Variants in MON2 observed in about 807,000 individuals in gnomAD.
MON2 encodes MON2 regulator of endosome-to-Golgi trafficking.
MON2 carries 84 observed loss-of-function variants against 208.6 expected under a neutral mutation model. That is an observed-to-expected ratio of 0.40 (90% CI 0.34 to 0.48). The LOEUF (loss-of-function observed/expected upper bound fraction) is 0.48, where lower values mean the gene tolerates loss of function less well. Ranked by LOEUF, MON2 falls within the 20% of genes least tolerant of loss-of-function variation. MON2 has a pLI of 0.59. For missense variants in MON2, 1,611 were observed against 2,015.4 expected (o/e 0.80, Z 3.84); for synonymous variants, 660 against 694.0 (o/e 0.95, Z 0.77).
In MON2 at chr12:62,560,542, C is replaced by T; in HGVS notation, c.3461C>T (p.Ala1154Val). The part of the protein sequence containing the change: ...DVLLDHIQSA[A>V]LSKNNEVSLA... ...CTTCTTGACCATATACAGTCAGCAGCACTCAGCAAAAACAATGAAGTATCT... is the reference window on the plus strand; with the variant it reads ...CTTCTTGACCATATACAGTCAGCAGTACTCAGCAAAAACAATGAAGTATCT... Residue 1154 changes from alanine (A) to valine (V), a missense_variant, in exon 26 of 35, where the codon GCA (alanine) becomes GTA (valine). Transcript: ENST00000393630. The T allele has an allele frequency of 2.5e-6, 4 of 1,613,810 alleles. No individual in the cohort carries two copies. The highest frequency in any genetic ancestry group is 3.4e-6 in the Non-Finnish European group (4 of 1,179,916).
Position 62,525,960 on chromosome 12 carries a change from T to G in MON2, c.1258T>G (p.Leu420Val). 1 of 1,612,836 alleles carries G rather than the reference T, an allele frequency of 6.2e-7. No individual in the cohort carries two copies. Among genetic ancestry groups the G allele is most frequent in the South Asian group, 1.1e-5 (1 of 90,744 alleles). ...ATSNQAGNNN[L>V]GGSVSAPANS... ...TTCTTCTCTAACAGGAAACAATAATTTAGGTGGCTCAGTCTCAGCACCAGC... is the reference window on the plus strand; with the variant it reads ...TTCTTCTCTAACAGGAAACAATAATGTAGGTGGCTCAGTCTCAGCACCAGC... Residue 420 changes from leucine (L) to valine (V), a missense_variant, in exon 11 of 35, where the codon TTA becomes GTA. Physicochemically the swap from Leu to Val is conservative, Grantham distance 32. Transcript: ENST00000393630.
chr12:62,532,004 C>T (rs111685991), intron 11 of MON2, among the ~76,000 whole-genome samples: 14,690 of 152,012 alleles, frequency 0.097, 831 homozygotes, highest in Non-Finnish European at 0.12. Flanking sequence ...CTCCTGACCT[C>T]GTGATCCACC....
At position 62,549,828 on chromosome 12, in the gene MON2, T is replaced by C. The variant is rs2073665448; in HGVS notation, c.2914T>C (p.Leu972=). Residue 972 remains leucine (L), a splice_region_variant and synonymous_variant, in exon 23 of 35, where the codon TTG becomes CTG. Coordinates refer to ENST00000393630, the MANE Select transcript of MON2 (RefSeq NM_015026.3). ...TATTAGTTTAACTTCAATAGGTTTA[T>C]TGGTAAGTATCATTGTCCTTAGAAT... The part of the protein sequence containing the change: ...LNISLTSIGL[L]WNISDYFFQR... 6.3e-7 allele frequency: 1 copy of C among 1,578,298 alleles called. No individual in the cohort carries two copies. Among genetic ancestry groups the C allele is most frequent in the Admixed American group, 1.8e-5 (1 of 55,090 alleles).
chr12:62,589,745 A>T (rs1252071509), intron 34 of MON2, among the ~76,000 whole-genome samples: 8 of 48,232 alleles, frequency 1.7e-4, no homozygotes, highest in African/African-American at 1.1e-3. Context: ...CCCCATCTTT[A>T]AAAAAAAAAA....
intron 1 of MON2, among the ~76,000 whole-genome samples, chr12:62,468,524 T>G (rs1315061792): frequency 6.6e-6 from 1 of 152,210 alleles, no homozygotes; most frequent in East Asian, 1.9e-4. Context: ...GAATATTGAC[T>G]TTTCTGTAAG....
chr12:62,501,403 A>C (rs2070824062), intron 6 of MON2, among the ~76,000 whole-genome samples, 170 bp from the exon 7 acceptor site: 1 of 152,212 alleles, frequency 6.6e-6, no homozygotes, highest in Non-Finnish European at 1.5e-5. Flanking sequence ...TACTTATATA[A>C]TCTATCAATT....
At position 62,537,195 on chromosome 12, in the gene MON2, A is replaced by C; in HGVS notation, c.1945A>C (p.Ser649Arg). ...GQSVMMISPSSESHQQVVAVG... is the reference protein window; with the variant it reads ...GQSVMMISPSRESHQQVVAVG... Reference sequence around the variant, plus strand: ...AAGTGTTATGATGATAAGTCCATCAAGTGAATCTCACCAACAAGTTGTGGC... The same window carrying C: ...AAGTGTTATGATGATAAGTCCATCACGTGAATCTCACCAACAAGTTGTGGC... The change falls in exon 15 of 35, where the codon AGT becomes CGT. Residue 649 changes from serine (S) to arginine (R), a missense_variant. Physicochemically the swap from Ser to Arg is moderately radical, Grantham distance 110. Coordinates refer to ENST00000393630, the MANE Select transcript of MON2 (RefSeq NM_015026.3). The C allele has an allele frequency of 6.2e-7, 1 of 1,613,586 alleles. No individual in the cohort carries two copies. Among genetic ancestry groups the C allele is most frequent in the Non-Finnish European group, 8.5e-7 (1 of 1,179,650 alleles).
At chr12:62,569,160 A>G (rs996873030) in intron 29 of MON2, among the ~76,000 whole-genome samples, 1 of 152,320 alleles carries the variant, frequency 6.6e-6, no homozygotes. Context: ...AAATATATAA[A>G]TTGAATGGAT....
chr12:62,544,913 A>G lies in MON2; in HGVS notation c.2482A>G (p.Asn828Asp). 1 of 1,606,876 alleles carries G rather than the reference A, an allele frequency of 6.2e-7. No homozygotes were observed. Among genetic ancestry groups the G allele is most frequent in the Non-Finnish European group, 8.5e-7 (1 of 1,176,828 alleles). The change falls in exon 21 of 35, where the codon AAC becomes GAC. Residue 828 changes from asparagine to aspartate, a missense_variant. Coordinates refer to ENST00000393630, the MANE Select transcript of MON2 (RefSeq NM_015026.3). ...GHLLEVCQHPNSRMREWGAEA... is the reference protein window; with the variant it reads ...GHLLEVCQHPDSRMREWGAEA... ...ATACCTTCAGGTCTGCCAGCATCCAAACTCTCGAATGAGAGAATGGGGAGC... is the reference window on the plus strand; with the variant it reads ...ATACCTTCAGGTCTGCCAGCATCCAGACTCTCGAATGAGAGAATGGGGAGC...
chr12:62,513,326 A>T (rs1413320866), intron 8 of MON2, among the ~76,000 whole-genome samples: 1 of 151,922 alleles, frequency 6.6e-6, no homozygotes, highest in African/African-American at 2.4e-5. Context: ...CCTGGGTTCA[A>T]GTGATTCTCC....
chr12:62,552,237 T>C (rs2073780566), intron 23 of MON2, among the ~76,000 whole-genome samples: 2 of 152,166 alleles, frequency 1.3e-5, no homozygotes, highest in Admixed American at 1.3e-4. Flanking sequence ...GAGGGACAAC[T>C]GTATTTTACT....
chr12:62,513,260 C>T (rs2071504644), intron 8 of MON2, among the ~76,000 whole-genome samples: 1 of 152,128 alleles, frequency 6.6e-6, no homozygotes, highest in South Asian at 2.1e-4. Context: ...GAGTCTTGCT[C>T]TGTATCCCAG....
intron 19 of MON2, among the ~76,000 whole-genome samples, chr12:62,539,331 A>G (rs2073128157): frequency 6.6e-6 from 1 of 151,014 alleles, no homozygotes; most frequent in Non-Finnish European, 1.5e-5. Flanking sequence ...GCAGTGGCGC[A>G]ATCTCGGGTC....
intron 6 of MON2, among the ~76,000 whole-genome samples, 183 bp downstream of exon 6, chr12:62,501,063 C>T (rs780331416): frequency 3.3e-5 from 5 of 151,718 alleles, no homozygotes; most frequent in Non-Finnish European, 5.9e-5. Flanking sequence ...CATGATAAAA[C>T]GTTATTACTC....
At chr12:62,569,557 A>T (rs2136394876) in intron 29 of MON2, among the ~76,000 whole-genome samples, 1 of 152,296 alleles carries the variant, frequency 6.6e-6, no homozygotes, top group East Asian at 1.9e-4. Flanking sequence ...GAAGAGAGAG[A>T]GTGTGTATGT....
intron 19 of MON2, among the ~76,000 whole-genome samples, chr12:62,539,308 C>T (rs2073126763): frequency 6.6e-6 from 1 of 151,252 alleles, no homozygotes; most frequent in African/African-American, 2.4e-5. Flanking sequence ...CGCCTTGTCG[C>T]CCAGGCTAGA....
intron 34 of MON2, among the ~76,000 whole-genome samples, chr12:62,590,238 G>T (rs60274790): frequency 6.6e-6 from 1 of 151,798 alleles, no homozygotes; most frequent in South Asian, 2.1e-4. Context: ...CTGCAGATAC[G>T]TGCCACCACA....
intron 12 of MON2, among the ~76,000 whole-genome samples, chr12:62,534,542 A>AAAAATATATATAT (rs1555169522): frequency 1.8e-4 from 4 of 22,842 alleles, no homozygotes; most frequent in Non-Finnish European, 2.2e-4. Context: ...AAAAAAAAAA[A>AAAAATATATATAT]ATATATATAT....
Position 62,599,455 on chromosome 12 carries a change from T to C in MON2, c.*6706T>C, listed in dbSNP as rs573096995. The C allele has an allele frequency of 6.6e-6, 1 of 152,248 alleles. No individual in the cohort carries two copies. Among genetic ancestry groups the C allele is most frequent in the African/African-American group, 2.4e-5 (1 of 41,472 alleles). The allele number at this position is 152,248 out of a possible 1,614,324, so 9.4% of individuals were successfully genotyped here. A position where few individuals can be genotyped will look rare whatever the true frequency, so the allele number is the denominator to read the frequency against. ...AATGAAAGTATAAAACAAGAATTTG[T>C]ACGTTACTCAGTGTGTACTGCAGTC... On this transcript the variant is annotated 3_prime_UTR_variant, in exon 35 of 35. Transcript: ENST00000393630.
Sources: gnomAD v4.1 joint callset for allele counts (sites outside exome capture counted in the v4.1 genomes callset) on GRCh38, gnomAD v4.1.1 for gene constraint, MANE v1.5 for transcripts, NCBI Gene and HGNC (gene_info 2026-07-23, HGNC 2026-07-21) for gene names.